UNC13C: variants seen among roughly 807,000 people sequenced by gnomAD.
UNC13C encodes the protein unc-13 homolog C, also known as protein unc-13 homolog C.
In UNC13C, 174 loss-of-function variants were observed where a neutral mutation model predicts 245.4. The ratio of observed to expected loss-of-function variants is 0.71; its 90% confidence interval spans 0.63 to 0.80. The LOEUF (loss-of-function observed/expected upper bound fraction) is 0.80. Among genes scored for constraint, UNC13C ranks in the 30% least tolerant of loss-of-function variants. The probability of loss-of-function intolerance (pLI) is 0.00; values close to 1 mark genes in which losing one functional copy is unlikely to be tolerated. For synonymous variants in UNC13C, 992 were observed against 895.1 expected, an observed-to-expected ratio of 1.11 and a Z score of -1.93; for missense variants, 2,829 against 2,602.9, an observed-to-expected ratio of 1.09 and a Z score of -1.89.
intron 19 of UNC13C, among the ~76,000 whole-genome samples, chr15:54,492,813 A>G (rs1277884257): frequency 6.6e-6 from 1 of 152,198 alleles, no homozygotes; most frequent in Non-Finnish European, 1.5e-5. Context: ...GTTGTCAGCA[A>G]TGGTACAACC....
chr15:54,451,978 A>T (rs1211235511), intron 19 of UNC13C, among the ~76,000 whole-genome samples: 1 of 152,116 alleles, frequency 6.6e-6, no homozygotes, highest in Non-Finnish European at 1.5e-5. Context: ...ATTGGCTTTG[A>T]TTCTCAGTGC....
Position 54,627,228 on chromosome 15 carries a change from G to C in UNC13C, c.*115G>C. On this transcript the variant is annotated 3_prime_UTR_variant, in exon 33 of 33. Coordinates refer to ENST00000260323, the MANE Select transcript of UNC13C (RefSeq NM_001080534.3). ...TCAATGTTTGCCAGTACTCATGTACGATGTCTACAAGGTATGTAAAAAACC... is the reference window on the plus strand; with the variant it reads ...TCAATGTTTGCCAGTACTCATGTACCATGTCTACAAGGTATGTAAAAAACC... The C allele has an allele frequency of 9.1e-7, 1 of 1,104,422 alleles. No individual in the cohort carries two copies. The highest frequency in any genetic ancestry group is 2.8e-5 in the Admixed American group (1 of 35,530). 68.4% of individuals were successfully genotyped at this position (1,104,422 alleles called of 1,614,324 possible).
At chr15:54,389,765 G>A (rs961677848) in intron 17 of UNC13C, among the ~76,000 whole-genome samples, 2 of 150,500 alleles carry the variant, frequency 1.3e-5, no homozygotes, top group African/African-American at 4.9e-5. Flanking sequence ...ATCTCGATCT[G>A]TTGTCCAGGC....
rs2036500565 is a variant in UNC13C at position 54,264,322 on chromosome 15, G to A, written c.3603G>A (p.Val1201=). ...TTCAGATTTCTAAAGAAGATTTTGT[G>A]CAGTTTACAAAGGCGGCCAAACAGA... is the stretch of plus-strand genomic sequence containing the variant. ...EMFQISKEDF[V]QFTKAAKQSV... Residue 1201 remains valine (V), a synonymous_variant, in exon 9 of 33, where the codon GTG becomes GTA. Coordinates refer to ENST00000260323, the MANE Select transcript of UNC13C (RefSeq NM_001080534.3). 3 of 1,606,650 alleles carry A rather than the reference G, an allele frequency of 1.9e-6. No homozygotes were observed.
chr15:54,196,295 G>C (rs2034351382), intron 4 of UNC13C, among the ~76,000 whole-genome samples: 1 of 151,558 alleles, frequency 6.6e-6, no homozygotes, highest in Admixed American at 6.6e-5. Context: ...GGCAAATGCT[G>C]ATCTCACAAG....
chr15:54,053,301 G>C (rs542990741), intron 2 of UNC13C, among the ~76,000 whole-genome samples: 2 of 152,146 alleles, frequency 1.3e-5, no homozygotes, highest in South Asian at 4.2e-4. Flanking sequence ...GAAAGTGTTG[G>C]GATTACAGGC....
intron 13 of UNC13C, among the ~76,000 whole-genome samples, chr15:54,311,083 A>G (rs117662078): frequency 0.035 from 5,248 of 151,794 alleles, 127 homozygotes; most frequent in Non-Finnish European, 0.05. Context: ...CACAGTTTCT[A>G]GAAAAGGATA....
In UNC13C at chr15:54,332,077, A is replaced by G; in HGVS notation, c.4460A>G (p.His1487Arg). Residue 1487 changes from histidine to arginine, a missense_variant, in exon 15 of 33, where the codon CAT (histidine) becomes CGT (arginine). Coordinates refer to ENST00000260323, the MANE Select transcript of UNC13C (RefSeq NM_001080534.3). Reference sequence around the variant, plus strand: ...TTCATAAAACTACTGGACCAGTTACATAACTCTTTGAGGATTGATCTGTCA... The same window carrying G: ...TTCATAAAACTACTGGACCAGTTACGTAACTCTTTGAGGATTGATCTGTCA... ...EKFIKLLDQL[H>R]NSLRIDLSKY... 1 of 1,582,864 alleles carries G rather than the reference A, an allele frequency of 6.3e-7. No homozygotes were observed. The highest frequency in any genetic ancestry group is 1.2e-5 in the South Asian group (1 of 86,026).
chr15:54,147,781 G>GGTGTGCGCGTGTGT (rs1555423221), intron 4 of UNC13C, among the ~76,000 whole-genome samples: 1 of 24,588 alleles, frequency 4.1e-5, no homozygotes, highest in Non-Finnish European at 1.3e-4. Flanking sequence ...AGCATTGCAA[G>GGTGTGCGCGTGTGT]GTGTGTGCGT....
At chr15:54,296,950 A>C (rs2037452041) in intron 11 of UNC13C, among the ~76,000 whole-genome samples, 1 of 152,194 alleles carries the variant, frequency 6.6e-6, no homozygotes, top group African/African-American at 2.4e-5. Flanking sequence ...TTTATGGCTA[A>C]ATTGACTATA....
intron 32 of UNC13C, among the ~76,000 whole-genome samples, chr15:54,624,872 T>C (rs1348761280): frequency 2.6e-5 from 4 of 151,502 alleles, no homozygotes; most frequent in Non-Finnish European, 4.4e-5. Context: ...TGGTTAAGAG[T>C]AGAGAAATTT....
chr15:54,291,741 C>A (rs1450702328), intron 10 of UNC13C, among the ~76,000 whole-genome samples: 2 of 151,964 alleles, frequency 1.3e-5, no homozygotes, highest in South Asian at 2.1e-4. Context: ...CATAGTAGTT[C>A]TCAACCCTGT....
rs573548932 is a variant in UNC13C at position 54,455,840 on chromosome 15, A to T, written c.4934-38768A>T. On this transcript the variant is annotated intron_variant, in intron 19 of 32. Coordinates refer to ENST00000260323, the MANE Select transcript of UNC13C (RefSeq NM_001080534.3). ...GGGATGTCTGTTTACTCTGCTGATT[A>T]TTCCTTTTGTTGTGCAGAAGCTTTT... Among the ~76,000 whole-genome samples the T allele has an allele frequency of 7.5e-4, 114 of 152,170 alleles. 4 individuals carry two copies. In the South Asian group the frequency reaches 0.022, roughly 30 times the overall value.
At chr15:54,326,121 TGA>T (rs1349042573) in intron 14 of UNC13C, among the ~76,000 whole-genome samples, 1 of 151,974 alleles carries the variant, frequency 6.6e-6, no homozygotes, top group Non-Finnish European at 1.5e-5. Context: ...GGAAATAGTG[TGA>T]GAGTCCTTGC....
intron 7 of UNC13C, among the ~76,000 whole-genome samples, chr15:54,243,356 G>A (rs1346687505): frequency 6.6e-6 from 1 of 152,128 alleles, no homozygotes; most frequent in Admixed American, 6.5e-5. Flanking sequence ...TGGTGTATAT[G>A]TAGCACATTT....
At chr15:54,028,591 C>A (rs892422946) in intron 2 of UNC13C, among the ~76,000 whole-genome samples, 2 of 151,882 alleles carry the variant, frequency 1.3e-5, no homozygotes, top group Non-Finnish European at 2.9e-5. Context: ...TGCCTGGTAC[C>A]CTTGGCATTT....
chr15:54,238,231 T>C (rs1379517962), intron 7 of UNC13C, among the ~76,000 whole-genome samples: 2 of 152,122 alleles, frequency 1.3e-5, no homozygotes, highest in East Asian at 3.9e-4. Context: ...CTTGCCACCA[T>C]GCCCAGCTAA....
chr15:54,050,665 TATACTC>T (rs1204175815), intron 2 of UNC13C: 2 of 501,406 alleles, frequency 4.0e-6, no homozygotes, highest in East Asian at 4.9e-5. Flanking sequence ...ATTTGTCTCT[TATACTC>T]AAACTCTTTG....
chr15:54,416,963 A>C lies in UNC13C; in HGVS notation c.4933+1896A>C, dbSNP rs944156272. 1.1e-5 allele frequency: 5 copies of C among 456,536 alleles called. No individual in the cohort carries two copies. The East Asian group carries it at 3.5e-4, about 32-fold the overall frequency. The allele number at this position is 456,536 out of a possible 1,614,324, so 28.3% of individuals were successfully genotyped here. A position where few individuals can be genotyped will look rare whatever the true frequency, so the allele number is the denominator to read the frequency against. On this transcript the variant is annotated intron_variant, in intron 19 of 32. Coordinates refer to ENST00000260323, the MANE Select transcript of UNC13C (RefSeq NM_001080534.3). ...GATTTTTCTTCCCACCAATCTTCAT[A>C]AGCAGCCATGGAGGGCTCAGCTACT... is the stretch of plus-strand genomic sequence containing the variant.
Sources: allele counts gnomAD v4.1 joint callset (sites outside exome capture counted in the v4.1 genomes callset), GRCh38; gene constraint gnomAD v4.1.1; transcripts MANE v1.5; gene names NCBI Gene and HGNC (gene_info 2026-07-23, HGNC 2026-07-21).